The following SSH2 variants were observed in gnomAD, a reference collection of about 807,000 sequenced individuals.
SSH2 encodes the protein protein phosphatase Slingshot homolog 2.
A neutral mutation model predicts 135.2 loss-of-function variants in SSH2; 37 were observed. That is an observed-to-expected ratio of 0.27 (90% confidence interval 0.21 to 0.36). The LOEUF is 0.36. Ranked by LOEUF, SSH2 falls within the 10% of genes least tolerant of loss-of-function variation. The pLI is 1.00. For missense variants in SSH2, 1,408 were observed against 1,765.3 expected (o/e 0.80, Z 3.63); for synonymous variants, 628 against 646.2 (o/e 0.97, Z 0.43).
chr17:29,883,499 A>G (rs1285864641), intron 1 of SSH2, among the ~76,000 whole-genome samples: 1 of 152,236 alleles, frequency 6.6e-6, no homozygotes, highest in Admixed American at 6.5e-5. Flanking sequence ...ATATCTAAAT[A>G]TAAGTTATAC....
intron 1 of SSH2, among the ~76,000 whole-genome samples, chr17:29,917,019 TA>T (rs777648253): frequency 0.025 from 3,275 of 129,386 alleles, 68 homozygotes; most frequent in African/African-American, 0.066. Flanking sequence ...TCTGTAGCAG[TA>T]AAAAAAAAAA....
chr17:29,800,753 C>T (rs897805775), intron 2 of SSH2, among the ~76,000 whole-genome samples: 1 of 151,476 alleles, frequency 6.6e-6, no homozygotes, highest in Non-Finnish European at 1.5e-5. Flanking sequence ...TGTTAAATAG[C>T]TTTTAAAGAG....
intron 3 of SSH2, among the ~76,000 whole-genome samples, chr17:29,735,634 T>C (rs1484559474): frequency 1.3e-5 from 2 of 149,862 alleles, no homozygotes; most frequent in Non-Finnish European, 3.0e-5. Flanking sequence ...GAGGTGGAGG[T>C]TGCAGTGAGT....
chr17:29,858,374 G>T (rs1408359879), intron 1 of SSH2, among the ~76,000 whole-genome samples: 1 of 152,190 alleles, frequency 6.6e-6, no homozygotes, highest in Admixed American at 6.5e-5. Flanking sequence ...GCAGGATCTA[G>T]GGGAATGTTA....
chr17:29,759,280 C>T (rs979677574), intron 3 of SSH2, among the ~76,000 whole-genome samples: 7 of 151,988 alleles, frequency 4.6e-5, no homozygotes, highest in Non-Finnish European at 1.0e-4. Flanking sequence ...AAGCAATCCT[C>T]CCACCTCAGC....
At chr17:29,664,373 C>CA (rs61290148) in intron 11 of SSH2, among the ~76,000 whole-genome samples, 858 of 64,000 alleles carry the variant, frequency 0.013, 5 homozygotes, top group African/African-American at 0.036. Flanking sequence ...ACTCCGTCTC[C>CA]AAAAAAAAAA....
chr17:29,865,649 T>C (rs1045993690), intron 1 of SSH2, among the ~76,000 whole-genome samples: 3 of 152,242 alleles, frequency 2.0e-5, no homozygotes, highest in Non-Finnish European at 2.9e-5. Flanking sequence ...CAAATGGGGT[T>C]TGGTTTCATT....
At chr17:29,666,716 T>G in intron 11 of SSH2, 151 bp downstream of exon 11, 1 of 687,776 alleles carries the variant, frequency 1.5e-6, no homozygotes, top group East Asian at 2.8e-5. Context: ...AATAAAATAA[T>G]TAGGAAGTGA....
chr17:29,695,324 C>A, intron 5 of SSH2, 135 bp downstream of exon 5: 1 of 588,228 alleles, frequency 1.7e-6, no homozygotes, highest in South Asian at 2.9e-5. Context: ...AATTATTTCA[C>A]AACACTCCAC....
At position 29,788,646 on chromosome 17, in the gene SSH2, C is replaced by T. The variant is rs112739904; in HGVS notation, c.188+5248G>A. ...TTCCTCCCTTCCTCCCTTCCTCCCT[C>T]CCTCTCTCCCTCTCTCTATATATAT... On this transcript the variant is annotated intron_variant, in intron 3 of 15. Transcript: ENST00000540801. Among the ~76,000 whole-genome samples the T allele has an allele frequency of 3.1e-3, 470 of 151,944 alleles. 5 individuals carry two copies. Among genetic ancestry groups the T allele is most frequent in the African/African-American group, 1.0e-2 (414 of 41,416 alleles).
intron 1 of SSH2, among the ~76,000 whole-genome samples, chr17:29,915,937 G>A (rs1283708750): frequency 6.6e-6 from 1 of 150,528 alleles, no homozygotes; most frequent in African/African-American, 2.4e-5. Context: ...CCATTAACTC[G>A]TCATTTACAT....
At chr17:29,827,090 T>C (rs1567998397) in intron 2 of SSH2, among the ~76,000 whole-genome samples, 2 of 152,212 alleles carry the variant, frequency 1.3e-5, no homozygotes, top group Non-Finnish European at 2.9e-5. Flanking sequence ...TTGCTGATGT[T>C]AAGCCAGGTC....
At position 29,636,684 on chromosome 17, in the gene SSH2, CT is replaced by C; in HGVS notation, c.1545del (p.Asp516ThrfsTer6). On this transcript the variant is annotated frameshift_variant, in exon 15 of 16. Transcript: ENST00000540801. LOFTEE classifies it high-confidence loss of function. ...ATGGTCTTCACCTCAGCAATCTGGTCTGCTGAGGTGGTGATATCCTTCTTGT... is the reference window on the plus strand; with the variant it reads ...ATGGTCTTCACCTCAGCAATCTGGTCGCTGAGGTGGTGATATCCTTCTTGT... ...ELNKKDITTS[A>X]DQIAEVKTME... is the part of the protein sequence containing the mutation. 6.2e-7 allele frequency: 1 copy of C among 1,614,038 alleles called. No individual in the cohort carries two copies. The highest frequency in any genetic ancestry group is 1.1e-5 in the South Asian group (1 of 91,056).
chr17:29,632,780 T>C lies in SSH2; in HGVS notation c.2414A>G (p.His805Arg), dbSNP rs1172789394. Reference protein sequence around the residue: ...LKGDILPNPCHTPKKNSIHEL... With the variant: ...LKGDILPNPCRTPKKNSIHEL... The stretch of plus-strand genomic sequence containing the variant: ...ATGGATGCTGTTCTTCTTTGGTGTA[T>C]GGCATGGGTTGGGTAAGATGTCTCC... The change falls in exon 16 of 16, where the codon CAT (histidine) becomes CGT (arginine). Residue 805 changes from histidine to arginine, a missense_variant. Coordinates refer to ENST00000540801, the MANE Select transcript of SSH2 (RefSeq NM_001282129.2). The C allele has an allele frequency of 6.2e-7, 1 of 1,614,194 alleles. No homozygotes were observed. The highest frequency in any genetic ancestry group is 1.7e-5 in the Admixed American group (1 of 60,030).
At chr17:29,790,216 G>A (rs920545012) in intron 3 of SSH2, among the ~76,000 whole-genome samples, 1 of 152,260 alleles carries the variant, frequency 6.6e-6, no homozygotes, top group Non-Finnish European at 1.5e-5. Flanking sequence ...AAAGTGAGGC[G>A]AGGCCTTTGG....
At chr17:29,762,665 C>T (rs777377385) in intron 3 of SSH2, among the ~76,000 whole-genome samples, 10 of 152,206 alleles carry the variant, frequency 6.6e-5, no homozygotes, top group Admixed American at 1.3e-4. Context: ...ATTCACTGAG[C>T]AGTGCCTTTC....
intron 3 of SSH2, among the ~76,000 whole-genome samples, chr17:29,715,014 G>A (rs749242820): frequency 1.2e-4 from 18 of 151,774 alleles, no homozygotes; most frequent in Non-Finnish European, 2.6e-4. Flanking sequence ...TTACAGGCAC[G>A]CACCACTGCG....
Position 29,748,440 on chromosome 17 carries a change from A to G in SSH2, c.189-45378T>C, listed in dbSNP as rs2040829222. On this transcript the variant is annotated intron_variant, in intron 3 of 15. Transcript: ENST00000540801. Reference sequence around the variant, plus strand: ...TCTCTAAGGATCAAAAATAACCACAAAAAGTCAGTATTAATTTAAAATCAA... The same window carrying G: ...TCTCTAAGGATCAAAAATAACCACAGAAAGTCAGTATTAATTTAAAATCAA... Among the ~76,000 whole-genome samples the G allele has an allele frequency of 3.9e-5, 6 of 152,204 alleles. 1 individual carries two copies. The South Asian group carries it at 1.2e-3, about 31-fold the overall frequency.
chr17:29,842,548 T>G (rs1162910773), intron 2 of SSH2, among the ~76,000 whole-genome samples: 1 of 152,260 alleles, frequency 6.6e-6, no homozygotes, highest in South Asian at 2.1e-4. Context: ...AAATAGCCTT[T>G]GTACCCAAGA....
Sources: gnomAD v4.1 joint callset for allele counts (sites outside exome capture counted in the v4.1 genomes callset) on GRCh38, gnomAD v4.1.1 for gene constraint, MANE v1.5 for transcripts, NCBI Gene and HGNC (gene_info 2026-07-23, HGNC 2026-07-21) for gene names.